RYR3: variants seen among roughly 807,000 people sequenced by gnomAD.
The protein encoded by RYR3 is brain ryanodine receptor-calcium release channel.
RYR3 carries 207 observed loss-of-function variants against 584.3 expected under a neutral mutation model. The ratio of observed to expected loss-of-function variants is 0.35; its 90% CI spans 0.32 to 0.40. The LOEUF (loss-of-function observed/expected upper bound fraction) is 0.40, where lower values mean the gene tolerates loss of function less well. RYR3 is among the 10% of genes least tolerant of loss of function. RYR3 has a pLI of 1.00. For synonymous variants in RYR3, 2,416 were observed against 2,248.5 expected, an observed-to-expected ratio of 1.07 and a Z score of -2.11; for missense variants, 5,616 against 6,089.2, an observed-to-expected ratio of 0.92 and a Z score of 2.59.
At chr15:33,681,543 A>G (rs1286789219) in intron 38 of RYR3, among the ~76,000 whole-genome samples, 1 of 152,192 alleles carries the variant, frequency 6.6e-6, no homozygotes, top group Non-Finnish European at 1.5e-5. Flanking sequence ...TTAGTCTACT[A>G]CTGGGAGAAA....
chr15:33,854,211 T>A (rs1195646345), intron 96 of RYR3, among the ~76,000 whole-genome samples, 178 bp from the exon 97 acceptor site: 2 of 123,484 alleles, frequency 1.6e-5, no homozygotes, highest in Non-Finnish European at 3.5e-5. Context: ...AAAAAAAAAA[T>A]TCAGGCTATG....
intron 38 of RYR3, among the ~76,000 whole-genome samples, chr15:33,680,980 G>A (rs1040236704): frequency 5.3e-5 from 8 of 152,188 alleles, no homozygotes; most frequent in Non-Finnish European, 7.3e-5. Context: ...ATCTACATAC[G>A]TTACCTAATG....
intron 9 of RYR3, 112 bp from the exon 10 acceptor site, chr15:33,550,047 TG>T: frequency 9.1e-7 from 1 of 1,104,882 alleles, no homozygotes; most frequent in Non-Finnish European, 1.3e-6. Context: ...CCCTTAAGGA[TG>T]GACACCAGAA....
intron 3 of RYR3, among the ~76,000 whole-genome samples, chr15:33,521,901 TG>T (rs2054011779): frequency 6.6e-6 from 1 of 152,110 alleles, no homozygotes; most frequent in Admixed American, 6.5e-5. Flanking sequence ...TCACTGAATT[TG>T]GGGGAAGTAG....
At chr15:33,364,329 T>C (rs895954564) in intron 1 of RYR3, among the ~76,000 whole-genome samples, 1 of 152,338 alleles carries the variant, frequency 6.6e-6, no homozygotes, top group African/African-American at 2.4e-5. Flanking sequence ...CCTTTTTCTC[T>C]GAGTTTCATA....
In RYR3 at chr15:33,845,080, C is replaced by G; in HGVS notation, c.13497+18C>G. The G allele has an allele frequency of 6.2e-7, 1 of 1,612,118 alleles. No homozygotes were observed. The highest frequency in any genetic ancestry group is 8.5e-7 in the Non-Finnish European group (1 of 1,178,452). On this transcript the variant is annotated intron_variant, in intron 93 of 103. Transcript: ENST00000634891. Reference sequence around the variant, plus strand: ...GCCTGAAGGTGAGCTGTTTGCCACTCTGGATCTAATCTCACTCCTTGAGGA... The same window carrying G: ...GCCTGAAGGTGAGCTGTTTGCCACTGTGGATCTAATCTCACTCCTTGAGGA...
chr15:33,430,451 G>A (rs1041372098), intron 1 of RYR3, among the ~76,000 whole-genome samples: 1 of 152,170 alleles, frequency 6.6e-6, no homozygotes, highest in African/African-American at 2.4e-5. Context: ...GGTTGAGGAG[G>A]GAGAGCTTTA....
In RYR3 at chr15:33,533,309, A is replaced by G; in HGVS notation, c.355-2A>G. 1 of 1,597,034 alleles carries G rather than the reference A, an allele frequency of 6.3e-7. No homozygotes were observed. The highest frequency in any genetic ancestry group is 8.5e-7 in the Non-Finnish European group (1 of 1,170,254). On this transcript the variant is annotated splice_acceptor_variant, in intron 4 of 103. Coordinates refer to ENST00000634891, the MANE Select transcript of RYR3 (RefSeq NM_001036.6). LOFTEE classifies it high-confidence loss of function. ...TCACTAGTATTTGCTCTTCTTTCAC[A>G]GTATCTAACATGCTTGACTACATCA...
At chr15:33,738,679 A>G in intron 50 of RYR3, 89 bp downstream of exon 50, 1 of 1,455,810 alleles carries the variant, frequency 6.9e-7, no homozygotes, top group Non-Finnish European at 9.5e-7. Context: ...TTAGCATTCC[A>G]TTTGCCAGGA....
chr15:33,807,866 AG>A (rs1410765174), intron 70 of RYR3: 2 of 442,242 alleles, frequency 4.5e-6, no homozygotes, highest in African/African-American at 3.9e-5. Context: ...TAACAGAGAT[AG>A]GGATGACTGA....
Position 33,724,874 on chromosome 15 carries a change from C to T in RYR3, c.6912+698C>T, listed in dbSNP as rs143279455. On this transcript the variant is annotated intron_variant, in intron 45 of 103. Coordinates refer to ENST00000634891, the MANE Select transcript of RYR3 (RefSeq NM_001036.6). ...TACTATGATAAAGGACCCTTACCCA[C>T]TTAGGCCTGTTTTTCCATTTCTGTG... Among the ~76,000 whole-genome samples the T allele has an allele frequency of 8.2e-3, 1,251 of 152,144 alleles. 8 individuals are homozygous for T. Among genetic ancestry groups the T allele is most frequent in the Middle Eastern group, 0.037 (11 of 294 alleles).
chr15:33,782,482 T>A (rs1209178392), intron 65 of RYR3, among the ~76,000 whole-genome samples: 1 of 152,216 alleles, frequency 6.6e-6, no homozygotes, highest in Non-Finnish European at 1.5e-5. Flanking sequence ...CCAGCTCCCC[T>A]GAGCCCATGT....
At chr15:33,723,772 A>G (rs1446266838) in intron 44 of RYR3, among the ~76,000 whole-genome samples, 2 of 152,176 alleles carry the variant, frequency 1.3e-5, no homozygotes, top group Non-Finnish European at 2.9e-5. Flanking sequence ...CCCCTCACAG[A>G]GAGGAAAAGG....
rs759361089 is a variant in RYR3, at chr15:33,613,191, C to T, written c.2173C>T (p.Pro725Ser). ...DGLHLWSGRI[P>S]RAVASINQHL... Reference sequence around the variant, plus strand: ...TGTTCTTTCCTCACCAGGCCGGATACCCAGAGCTGTGGCTTCCATCAACCA... The same window carrying T: ...TGTTCTTTCCTCACCAGGCCGGATATCCAGAGCTGTGGCTTCCATCAACCA... Residue 725 changes from proline to serine, a missense_variant, in exon 19 of 104, where the codon CCC becomes TCC. By Grantham distance (74) the Pro-to-Ser change is moderately conservative (BLOSUM62 -1). Around this residue, in one of 9 missense-constraint regions of RYR3, gnomAD observed 1,284 missense variants for 1,344.6 expected, o/e 0.95. Coordinates refer to ENST00000634891, the MANE Select transcript of RYR3 (RefSeq NM_001036.6). The T allele has an allele frequency of 6.8e-6, 11 of 1,613,300 alleles. No homozygotes were observed. The highest frequency in any genetic ancestry group is 1.6e-4 in the Middle Eastern group (1 of 6,082).
intron 43 of RYR3, among the ~76,000 whole-genome samples, chr15:33,721,725 G>C (rs1285740195): frequency 1.3e-5 from 2 of 152,076 alleles, no homozygotes; most frequent in Non-Finnish European, 2.9e-5. Flanking sequence ...TTGGCTCAGA[G>C]ATGAATTCTC....
Position 33,598,643 on chromosome 15 carries a change from A to AC in RYR3, c.1789-2776_1789-2775insC, listed in dbSNP as rs35796026. ...AGCCTAGAAGCAGGACAAAAAAAAA[A>AC]AACTCATCTTCCCTGTTGGAAGCAA... On this transcript the variant is annotated intron_variant, in intron 16 of 103. Coordinates refer to ENST00000634891, the MANE Select transcript of RYR3 (RefSeq NM_001036.6). 5.3e-5 allele frequency among the ~76,000 whole-genome samples: 8 copies of AC among 152,162 alleles called. No individual in the cohort carries two copies. In the South Asian group the frequency reaches 6.2e-4, roughly 12 times the overall value.
In RYR3 at chr15:33,810,565, C is replaced by G; in HGVS notation, c.10113C>G (p.Leu3371=). ...AGACCTCCCTCATCGTGGCTGCACT[C>G]AAGAAAATGCTGCCCATTGGTTTGA... is the stretch of plus-strand genomic sequence containing the variant. The part of the protein sequence containing the change: ...SIQTSLIVAA[L]KKMLPIGLNM... The change falls in exon 71 of 104, where the codon CTC becomes CTG. Residue 3371 remains leucine, a synonymous_variant. Transcript: ENST00000634891. 1.2e-6 allele frequency: 2 copies of G among 1,613,988 alleles called. No homozygotes were observed. Among genetic ancestry groups the G allele is most frequent in the Non-Finnish European group, 1.7e-6 (2 of 1,179,886 alleles).
chr15:33,567,725 A>C (rs925356508), intron 12 of RYR3, among the ~76,000 whole-genome samples: 2 of 152,192 alleles, frequency 1.3e-5, no homozygotes, highest in African/African-American at 4.8e-5. Flanking sequence ...CCAGAGCATC[A>C]GCATCACTTG....
chr15:33,857,546 C>G (rs1393528571), intron 98 of RYR3, among the ~76,000 whole-genome samples: 1 of 152,068 alleles, frequency 6.6e-6, no homozygotes, highest in African/African-American at 2.4e-5. Flanking sequence ...ATTCAGCCCC[C>G]AACACCCCAT....
Sources: allele counts gnomAD v4.1 joint callset (sites outside exome capture counted in the v4.1 genomes callset), GRCh38; gene constraint gnomAD v4.1.1; regional missense constraint gnomAD v4.1.1; transcripts MANE v1.5; gene names NCBI Gene and HGNC (gene_info 2026-07-23, HGNC 2026-07-21).